The following VAT1L variants were observed in gnomAD, a reference collection of about 807,000 sequenced individuals.
The protein encoded by VAT1L is vesicle amine transport 1 like.
VAT1L carries 34 observed loss-of-function variants against 44.1 expected under a neutral mutation model. That is an observed-to-expected ratio of 0.77 (90% CI 0.59 to 1.03). VAT1L has a LOEUF of 1.03. VAT1L is among the 50% of genes least tolerant of loss of function. VAT1L has a pLI of 0.00. For missense variants in VAT1L, 615 were observed against 538.8 expected (o/e 1.14, Z -1.40); for synonymous variants, 253 against 202.2 (o/e 1.25, Z -2.13).
In VAT1L at chr16:77,977,839, G is replaced by A; in HGVS notation, c.*144G>A. On this transcript the variant is annotated 3_prime_UTR_variant, in exon 9 of 9. Coordinates refer to ENST00000302536, the MANE Select transcript of VAT1L (RefSeq NM_020927.3). ...CAGTCAGCTGAGCTAAAAAGCTGTTGATCACTGTTGTTTTTTGAAGTGCCA... is the reference window on the plus strand; with the variant it reads ...CAGTCAGCTGAGCTAAAAAGCTGTTAATCACTGTTGTTTTTTGAAGTGCCA... The A allele has an allele frequency of 1.3e-6, 1 of 774,746 alleles. No homozygotes were observed. The highest frequency in any genetic ancestry group is 2.7e-5 in the East Asian group (1 of 36,528). The allele number at this position is 774,746 out of a possible 1,614,324, so 48.0% of individuals were successfully genotyped here. A position where few individuals can be genotyped will look rare whatever the true frequency, so the allele number is the denominator to read the frequency against.
chr16:77,930,548 C>T (rs149825322), intron 7 of VAT1L, among the ~76,000 whole-genome samples: 2 of 152,300 alleles, frequency 1.3e-5, no homozygotes, highest in East Asian at 1.9e-4. Context: ...CCGGACTCAA[C>T]GTTCTTGACA....
At position 77,884,594 on chromosome 16, in the gene VAT1L, A is replaced by G. The variant is rs1435346388; in HGVS notation, c.883-14A>G. 8 of 1,610,904 alleles carry G rather than the reference A, an allele frequency of 5.0e-6. No individual in the cohort carries two copies. Among genetic ancestry groups the G allele is most frequent in the Non-Finnish European group, 5.9e-6 (7 of 1,178,884 alleles). ...TATTGAGTTCCTATAACCCAATACC[A>G]CCTCTCTTTGCAGTGGTGGCAGGTG... is the stretch of plus-strand genomic sequence containing the variant. On this transcript the variant is annotated splice_polypyrimidine_tract_variant and intron_variant, in intron 6 of 8. Coordinates refer to ENST00000302536, the MANE Select transcript of VAT1L (RefSeq NM_020927.3). This position sits in a 1 kb window ranked among gnomAD's most constrained non-coding sequence, Gnocchi z 4.5.
At chr16:77,829,106 C>T (rs550294275) in intron 3 of VAT1L, among the ~76,000 whole-genome samples, 13 of 152,110 alleles carry the variant, frequency 8.5e-5, no homozygotes, top group Admixed American at 6.6e-5. Flanking sequence ...TGGCTGATTC[C>T]AAAACCTCTT....
chr16:77,853,943 C>T (rs532991887), intron 3 of VAT1L, among the ~76,000 whole-genome samples: 2 of 152,164 alleles, frequency 1.3e-5, no homozygotes, highest in East Asian at 3.9e-4. Flanking sequence ...GCCTGGCCAG[C>T]ATGGTGAAAC....
intron 6 of VAT1L, among the ~76,000 whole-genome samples, chr16:77,882,960 G>A (rs768129421): frequency 2.8e-4 from 42 of 152,228 alleles, no homozygotes; most frequent in African/African-American, 9.1e-4. Flanking sequence ...GGTCAAATGC[G>A]TGGCTCTTAT....
chr16:77,795,283 C>CA lies in VAT1L; in HGVS notation c.233+6368_233+6369insA, dbSNP rs1567464380. 5.3e-5 allele frequency among the ~76,000 whole-genome samples: 4 copies of CA among 74,806 alleles called. No individual in the cohort carries two copies. In the East Asian group the frequency reaches 4.0e-3, roughly 75 times the overall value. The allele number at this position is 74,806 out of a possible 152,430, so 49.1% of individuals were successfully genotyped here. ...TAATTGGTAGAATTTACAGTGGGGG[C>CA]GGGGGGAAAGATTGAGAAATTAAGA... On this transcript the variant is annotated intron_variant, in intron 1 of 8. Transcript: ENST00000302536.
chr16:77,919,134 GTGCATGTGTGTGCA>G (rs939302297), intron 7 of VAT1L, among the ~76,000 whole-genome samples: 20 of 152,034 alleles, frequency 1.3e-4, no homozygotes, highest in Admixed American at 3.3e-4. Context: ...GTGTGTGTGT[GTGCATGTGTGTGCA>G]TGCATGTGTG....
At chr16:77,952,855 TAA>T (rs61033802) in intron 7 of VAT1L, among the ~76,000 whole-genome samples, 33,452 of 92,108 alleles carry the variant, frequency 0.36, 5,847 homozygotes, top group Non-Finnish European at 0.43. Flanking sequence ...AGACTCCATT[TAA>T]AAAAAAAAAA....
Position 77,979,829 on chromosome 16 carries a change from A to G in VAT1L, c.*2134A>G, listed in dbSNP as rs1597132377. ...TTGACCAATAAGACCAATTTCTGCC[A>G]TGAAGAACCGGGGGACGCAAGTTAA... On this transcript the variant is annotated 3_prime_UTR_variant, in exon 9 of 9. Transcript: ENST00000302536. 1 of 152,664 alleles carries G rather than the reference A, an allele frequency of 6.6e-6. No individual in the cohort carries two copies. The highest frequency in any genetic ancestry group is 6.5e-5 in the Admixed American group (1 of 15,286). The allele number at this position is 152,664 out of a possible 1,614,324, so 9.5% of individuals were successfully genotyped here. A position where few individuals can be genotyped will look rare whatever the true frequency, so the allele number is the denominator to read the frequency against.
At chr16:77,956,844 T>G (rs1430851696) in intron 7 of VAT1L, among the ~76,000 whole-genome samples, 1 of 152,230 alleles carries the variant, frequency 6.6e-6, no homozygotes, top group Non-Finnish European at 1.5e-5. Flanking sequence ...ATCCCAGGCT[T>G]GGGCTCTGTC....
chr16:77,837,294 G>C (rs2016650233), intron 3 of VAT1L, among the ~76,000 whole-genome samples: 1 of 152,206 alleles, frequency 6.6e-6, no homozygotes, highest in South Asian at 2.1e-4. Flanking sequence ...GGCAGATTTG[G>C]TGCCTGGAGC....
At chr16:77,969,271 A>C (rs2018254732) in intron 7 of VAT1L, among the ~76,000 whole-genome samples, 1 of 151,874 alleles carries the variant, frequency 6.6e-6, no homozygotes, top group Non-Finnish European at 1.5e-5. Flanking sequence ...GGAATACCTA[A>C]CTCTCTGGGG....
At chr16:77,945,160 G>A (rs1468603074) in intron 7 of VAT1L, among the ~76,000 whole-genome samples, 1 of 152,010 alleles carries the variant, frequency 6.6e-6, no homozygotes, top group Admixed American at 6.6e-5. Flanking sequence ...CCAATCTGTG[G>A]GGGCACAAAC....
chr16:77,906,844 A>G (rs1355945653), intron 7 of VAT1L, among the ~76,000 whole-genome samples: 1 of 152,228 alleles, frequency 6.6e-6, no homozygotes, highest in East Asian at 1.9e-4. Flanking sequence ...TCCACATGCA[A>G]GAAGTTGATC....
At chr16:77,825,666 A>G (rs2016511538) in intron 3 of VAT1L, among the ~76,000 whole-genome samples, 1 of 151,964 alleles carries the variant, frequency 6.6e-6, no homozygotes, top group Non-Finnish European at 1.5e-5. Context: ...GGAGTTTTGG[A>G]AGGTCACCAA....
Position 77,971,085 on chromosome 16 carries a change from C to A in VAT1L, c.1078-765C>A, listed in dbSNP as rs375146611. Among the ~76,000 whole-genome samples, 16 of 152,068 alleles carry A rather than the reference C, an allele frequency of 1.1e-4. 1 individual carries two copies. The highest frequency in any genetic ancestry group is 3.9e-4 in the African/African-American group (16 of 41,454). ...TTGAGATGTGGAGCATGGGCCTGTACCAAGCACCAAGCTCCATGTTGCCCT... is the reference window on the plus strand; with the variant it reads ...TTGAGATGTGGAGCATGGGCCTGTAACAAGCACCAAGCTCCATGTTGCCCT... On this transcript the variant is annotated intron_variant, in intron 7 of 8. Transcript: ENST00000302536.
Position 77,804,255 on chromosome 16 carries a change from G to C in VAT1L, c.234-12666G>C, listed in dbSNP as rs80298181. Among the ~76,000 whole-genome samples, 632 of 152,240 alleles carry C rather than the reference G, an allele frequency of 4.2e-3. 2 individuals are homozygous for C. The highest frequency in any genetic ancestry group is 0.015 in the African/African-American group (606 of 41,550). On this transcript the variant is annotated intron_variant, in intron 1 of 8. Transcript: ENST00000302536. ...AGCATAAAGATGTTAACCTTTACAG[G>C]AACCTTAGGAATAAATACCTCCTGC... is the stretch of plus-strand genomic sequence containing the variant.
chr16:77,939,682 G>A lies in VAT1L; in HGVS notation c.1078-32168G>A, dbSNP rs574839829. On this transcript the variant is annotated intron_variant, in intron 7 of 8. Coordinates refer to ENST00000302536, the MANE Select transcript of VAT1L (RefSeq NM_020927.3). ...CTAGACCAAAAAGATACACAGAGAG[G>A]CTTGGAATAAAATAGACAGTAGTGA... Among the ~76,000 whole-genome samples, 62 of 152,284 alleles carry A rather than the reference G, an allele frequency of 4.1e-4. 1 individual carries two copies. In the South Asian group the frequency reaches 0.01, roughly 25 times the overall value.
intron 1 of VAT1L, among the ~76,000 whole-genome samples, chr16:77,808,947 T>A (rs544747097): frequency 6.6e-6 from 1 of 152,304 alleles, no homozygotes; most frequent in African/African-American, 2.4e-5. Flanking sequence ...GAGCCCCTTG[T>A]TAACTTTGGG....
Sources: gnomAD v4.1 joint callset for allele counts (sites outside exome capture counted in the v4.1 genomes callset) on GRCh38, gnomAD v4.1.1 for gene constraint, Gnocchi (gnomAD v3.1) non-coding constraint, MANE v1.5 for transcripts, NCBI Gene and HGNC (gene_info 2026-07-23, HGNC 2026-07-21) for gene names.